TRRAP: variants seen among roughly 807,000 people sequenced by gnomAD.
The protein encoded by TRRAP is transformation/transcription domain-associated protein.
In TRRAP, 41 loss-of-function variants were observed where a neutral mutation model predicts 438.8. The ratio of observed to expected loss-of-function variants is 0.09; its 90% CI spans 0.07 to 0.12. TRRAP has a LOEUF of 0.12. Among genes scored for constraint, TRRAP ranks in the 10% least tolerant of loss-of-function variants. The pLI, the probability that TRRAP is intolerant of heterozygous loss-of-function variation, is 1.00. For missense variants in TRRAP, 3,122 were observed against 5,055.1 expected, an observed-to-expected ratio of 0.62 and a Z score of 11.60; for synonymous variants, 1,994 against 1,962.9, an observed-to-expected ratio of 1.02 and a Z score of -0.42.
In TRRAP at chr7:98,933,274, C is replaced by T; in HGVS notation, c.3886C>T (p.Leu1296=). 6.2e-7 allele frequency: 1 copy of T among 1,613,904 alleles called. No individual in the cohort carries two copies. Among genetic ancestry groups the T allele is most frequent in the Non-Finnish European group, 8.5e-7 (1 of 1,179,948 alleles). Residue 1296 remains leucine, a synonymous_variant, in exon 27 of 73, where the codon CTG becomes TTG. Coordinates refer to ENST00000456197, the MANE Select transcript of TRRAP (RefSeq NM_001375524.1). ...LQDMVPPKKH[L]LRHQPANAQI... is the part of the protein sequence containing the mutation. ...GGATATGGTCCCCCCTAAGAAGCACCTGCTCCGACACCAGCCTGCCAACGC... is the reference window on the plus strand; with the variant it reads ...GGATATGGTCCCCCCTAAGAAGCACTTGCTCCGACACCAGCCTGCCAACGC...
chr7:98,981,838 C>T lies in TRRAP; in HGVS notation c.8704C>T (p.His2902Tyr). Reference protein sequence around the residue: ...NMYRGYLAICHPEEQQLSFIE... With the variant: ...NMYRGYLAICYPEEQQLSFIE... The stretch of plus-strand genomic sequence containing the variant: ...GTACCGCGGATACCTGGCCATCTGC[C>T]ACCCCGAGGAGCAGCAGCTCAGCTT... The change falls in exon 59 of 73, where the codon CAC (histidine) becomes TAC (tyrosine). Residue 2902 changes from histidine to tyrosine, a missense_variant. His to Tyr is a moderately conservative substitution (Grantham distance 83). Around this residue, in one of 24 missense-constraint regions of TRRAP, gnomAD observed 992 missense variants for 1,281.2 expected, o/e 0.77. Coordinates refer to ENST00000456197, the MANE Select transcript of TRRAP (RefSeq NM_001375524.1). 2 of 1,605,748 alleles carry T rather than the reference C, an allele frequency of 1.2e-6. No homozygotes were observed. Among genetic ancestry groups the T allele is most frequent in the East Asian group, 2.2e-5 (1 of 44,506 alleles).
Position 98,956,424 on chromosome 7 carries a change from C to G in TRRAP, c.6122C>G (p.Ser2041Cys), listed in dbSNP as rs781846365. 1.2e-6 allele frequency: 2 copies of G among 1,614,120 alleles called. No individual in the cohort carries two copies. Among genetic ancestry groups the G allele is most frequent in the East Asian group, 4.5e-5 (2 of 44,872 alleles). ...QQPDSDMDPN[S>C]SGEGVNSVSS... ...CCGGATTCAGATATGGACCCAAATT[C>G]CAGTGGAGAAGGAGTCAATTCTGTC... The change falls in exon 43 of 73, where the codon TCC becomes TGC. Residue 2041 changes from serine to cysteine, a missense_variant. By Grantham distance (112) the Ser-to-Cys change is moderately radical. Transcript: ENST00000456197. The surrounding 1 kb of genome is among the most constrained non-coding windows in gnomAD (Gnocchi z 4.5).
At chr7:98,890,728 A>AC (rs1269899676) in intron 4 of TRRAP, among the ~76,000 whole-genome samples, 1 of 135,252 alleles carries the variant, frequency 7.4e-6, no homozygotes, top group African/African-American at 2.8e-5. Context: ...AGGAATGACT[A>AC]CCCCCCATAC....
At chr7:98,886,161 C>T (rs1795685230) in intron 3 of TRRAP, among the ~76,000 whole-genome samples, 1 of 152,174 alleles carries the variant, frequency 6.6e-6, no homozygotes, top group African/African-American at 2.4e-5. Flanking sequence ...TGGCACATGC[C>T]TGGCCTGTAG....
chr7:98,985,446 T>C (rs1050452579), intron 62 of TRRAP, among the ~76,000 whole-genome samples: 4 of 152,244 alleles, frequency 2.6e-5, no homozygotes, highest in South Asian at 2.1e-4. Flanking sequence ...TGAAGTGATA[T>C]TGGAACACAT....
chr7:98,957,304 T>C (rs1479811808), intron 43 of TRRAP, among the ~76,000 whole-genome samples: 22 of 152,134 alleles, frequency 1.4e-4, no homozygotes, highest in African/African-American at 4.8e-4. Context: ...CCACTTTTAT[T>C]CCCTCTTTAT....
intron 51 of TRRAP, among the ~76,000 whole-genome samples, chr7:98,967,980 G>A (rs41642): frequency 0.11 from 15,941 of 151,540 alleles, 907 homozygotes; most frequent in East Asian, 0.25. Flanking sequence ...TTCTGTCTGC[G>A]TGCCCTAGAA....
chr7:98,979,885 T>C (rs941470747), intron 58 of TRRAP, among the ~76,000 whole-genome samples: 2 of 152,252 alleles, frequency 1.3e-5, no homozygotes, highest in Admixed American at 6.5e-5. Context: ...TACTTCTGTC[T>C]GTTTCTGTGC....
At chr7:98,909,078 C>A in intron 14 of TRRAP, 116 bp downstream of exon 14, 1 of 985,942 alleles carries the variant, frequency 1.0e-6, no homozygotes, top group Non-Finnish European at 1.5e-6. Context: ...GGCTGAAGTG[C>A]AGTGGCGTGA....
Position 99,005,416 on chromosome 7 carries a change from T to C in TRRAP, c.10753+68T>C. 6.7e-7 allele frequency: 1 copy of C among 1,486,892 alleles called. No homozygotes were observed. Among genetic ancestry groups the C allele is most frequent in the Non-Finnish European group, 9.4e-7 (1 of 1,068,192 alleles). 92.1% of individuals were successfully genotyped at this position (1,486,892 alleles called of 1,614,324 possible). A position where few individuals can be genotyped will look rare whatever the true frequency, so the allele number is the denominator to read the frequency against. On this transcript the variant is annotated intron_variant, in intron 69 of 72. Coordinates refer to ENST00000456197, the MANE Select transcript of TRRAP (RefSeq NM_001375524.1). This position sits in a 1 kb window ranked among gnomAD's most constrained non-coding sequence, Gnocchi z 5.1. The stretch of plus-strand genomic sequence containing the variant: ...CACAGGTGGGGATGAGAGCCACACC[T>C]CGTGGGGTGCACAGGCAGCTCACGT...
At chr7:98,981,653 C>A in intron 58 of TRRAP, 116 bp from the exon 59 acceptor site, 1 of 988,098 alleles carries the variant, frequency 1.0e-6, no homozygotes, top group Non-Finnish European at 1.5e-6. Context: ...AGCCTAATTT[C>A]TGTGTATTGC....
chr7:99,009,812 G>A (rs1794347615), intron 70 of TRRAP, among the ~76,000 whole-genome samples: 1 of 152,016 alleles, frequency 6.6e-6, no homozygotes, highest in Non-Finnish European at 1.5e-5. Context: ...CAGCACAGAG[G>A]AATCCAGCTT....
At chr7:98,993,417 T>A in intron 65 of TRRAP, 121 bp from the exon 66 acceptor site, 1 of 1,083,246 alleles carries the variant, frequency 9.2e-7, no homozygotes, top group Non-Finnish European at 1.3e-6. Flanking sequence ...GGAAGCGGTC[T>A]TGTAGGGATT....
chr7:98,896,441 C>G (rs1554405747), intron 7 of TRRAP, among the ~76,000 whole-genome samples: 2 of 151,974 alleles, frequency 1.3e-5, no homozygotes, highest in East Asian at 3.9e-4. Flanking sequence ...GGTACGGGGT[C>G]TCTGTCTGCC....
chr7:99,005,039 C>T lies in TRRAP; in HGVS notation c.10536-92C>T. 11 of 1,331,518 alleles carry T rather than the reference C, an allele frequency of 8.3e-6. No homozygotes were observed. The highest frequency in any genetic ancestry group is 1.2e-5 in the Non-Finnish European group (11 of 940,434). 82.5% of individuals were successfully genotyped at this position (1,331,518 alleles called of 1,614,324 possible). A position where few individuals can be genotyped will look rare whatever the true frequency, so the allele number is the denominator to read the frequency against. On this transcript the variant is annotated intron_variant, in intron 68 of 72. Transcript: ENST00000456197. The surrounding 1 kb of genome is among the most constrained non-coding windows in gnomAD (Gnocchi z 5.1). ...CCGCTGGCCTACACAGTCCGTTTTC[C>T]CGTGACAGTTCGGACATTCCTAGCT...
intron 21 of TRRAP, 119 bp downstream of exon 21, chr7:98,922,072 C>G: frequency 7.2e-7 from 1 of 1,380,968 alleles, no homozygotes; most frequent in East Asian, 2.5e-5. Flanking sequence ...CCAGTTGTAT[C>G]AGGTGATCGG....
chr7:98,962,804 T>C (rs1277439414), intron 47 of TRRAP, among the ~76,000 whole-genome samples: 2 of 152,196 alleles, frequency 1.3e-5, no homozygotes, highest in Non-Finnish European at 2.9e-5. Context: ...AGATGAGAAC[T>C]TGTCCCGTCT....
intron 17 of TRRAP, among the ~76,000 whole-genome samples, chr7:98,911,556 A>G (rs1789276322): frequency 6.6e-6 from 1 of 152,170 alleles, no homozygotes; most frequent in Non-Finnish European, 1.5e-5. Context: ...GCTTGAGCCC[A>G]GGAGTTTGAG....
chr7:98,981,565 C>T (rs979161069), intron 58 of TRRAP, among the ~76,000 whole-genome samples: 1 of 152,194 alleles, frequency 6.6e-6, no homozygotes, highest in African/African-American at 2.4e-5. Flanking sequence ...ATTGGCCGCT[C>T]ACTGGAATTT....
Sources: gnomAD v4.1 joint callset for allele counts (sites outside exome capture counted in the v4.1 genomes callset) on GRCh38, gnomAD v4.1.1 for gene constraint, gnomAD v4.1.1 regional missense constraint, Gnocchi (gnomAD v3.1) non-coding constraint, MANE v1.5 for transcripts, NCBI Gene and HGNC (gene_info 2026-07-23, HGNC 2026-07-21) for gene names.